MAP3K1: variants seen among roughly 807,000 people sequenced by gnomAD.
The protein encoded by MAP3K1 is MAP/ERK kinase kinase 1.
A neutral mutation model predicts 144.2 loss-of-function variants in MAP3K1; 36 were observed. The ratio of observed to expected loss-of-function variants is 0.25; its 90% CI spans 0.19 to 0.33. The LOEUF (loss-of-function observed/expected upper bound fraction) is 0.33, where lower values mean the gene tolerates loss of function less well. MAP3K1 is among the 10% of genes least tolerant of loss of function. The pLI, the probability that MAP3K1 is intolerant of heterozygous loss-of-function variation, is 1.00. For synonymous variants in MAP3K1, 718 were observed against 688.7 expected (o/e 1.04, Z -0.67); for missense variants, 1,650 against 1,881.9 (o/e 0.88, Z 2.28).
rs1488161627 is a variant in MAP3K1 at position 56,815,733 on chromosome 5, C to T, written c.160C>T (p.Arg54Trp). The T allele has an allele frequency of 5.2e-6, 7 of 1,344,138 alleles. No individual in the cohort carries two copies. The highest frequency in any genetic ancestry group is 3.2e-5 in the East Asian group (1 of 31,420). The allele number at this position is 1,344,138 out of a possible 1,614,324, so 83.3% of individuals were successfully genotyped here. A position where few individuals can be genotyped will look rare whatever the true frequency, so the allele number is the denominator to read the frequency against. ...GGAGGCGGGCAGCGGGGGCCGCGAG[C>T]GGGCGGACTGGCGGCGGCGGCAGCT... Reference protein sequence around the residue: ...LREAGSGGRERADWRRRQLRK... With the variant: ...LREAGSGGREWADWRRRQLRK... The change falls in exon 1 of 20, where the codon CGG (arginine) becomes TGG (tryptophan). Residue 54 changes from arginine to tryptophan, a missense_variant. Coordinates refer to ENST00000399503, the MANE Select transcript of MAP3K1 (RefSeq NM_005921.2).
chr5:56,816,368 C>T lies in MAP3K1; in HGVS notation c.482+313C>T, dbSNP rs1033794923. On this transcript the variant is annotated intron_variant, in intron 1 of 19. Transcript: ENST00000399503. ...GGGCCACGGCTGGCTTTGTGGGACTCCTGGAATCGGGGCTCTCCGAGGAGC... is the reference window on the plus strand; with the variant it reads ...GGGCCACGGCTGGCTTTGTGGGACTTCTGGAATCGGGGCTCTCCGAGGAGC... 3.9e-5 allele frequency among the ~76,000 whole-genome samples: 6 copies of T among 152,160 alleles called. No homozygotes were observed. The East Asian group carries it at 7.8e-4, about 20-fold the overall frequency.
rs148782350 is a variant in MAP3K1 at position 56,864,217 on chromosome 5, C to G, written c.835-517C>G. ...TTGTCTCTCTCAGCCAGATATTTAT[C>G]AACATTTATGGGGATGACTGAGATT... is the stretch of plus-strand genomic sequence containing the variant. On this transcript the variant is annotated intron_variant, in intron 3 of 19. Coordinates refer to ENST00000399503, the MANE Select transcript of MAP3K1 (RefSeq NM_005921.2). 2.1e-3 allele frequency among the ~76,000 whole-genome samples: 313 copies of G among 152,208 alleles called. 1 individual carries two copies. Among genetic ancestry groups the G allele is most frequent in the African/African-American group, 7.0e-3 (290 of 41,506 alleles).
At position 56,883,621 on chromosome 5, in the gene MAP3K1, TTTC is replaced by T; in HGVS notation, c.3767_3769del (p.Ser1256del). The T allele has an allele frequency of 6.2e-7, 1 of 1,614,122 alleles. No homozygotes were observed. Among genetic ancestry groups the T allele is most frequent in the Non-Finnish European group, 8.5e-7 (1 of 1,179,994 alleles). ...GGTCAACAGATAGGCCTTGGAGCAT[TTTC>T]TTCTTGTTATCAGGCTCAAGATGTG... On this transcript the variant is annotated inframe_deletion, in exon 15 of 20. Transcript: ENST00000399503.
chr5:56,872,530 A>T (rs1747885962), intron 7 of MAP3K1, 111 bp from the exon 8 acceptor site: 1 of 708,432 alleles, frequency 1.4e-6, no homozygotes, highest in Non-Finnish European at 2.5e-6. Context: ...ATTTAATTAG[A>T]TTATTTTTGA....
intron 19 of MAP3K1, among the ~76,000 whole-genome samples, chr5:56,892,421 T>C (rs555400531): frequency 1.6e-4 from 24 of 151,792 alleles, no homozygotes; most frequent in Admixed American, 6.6e-4. Flanking sequence ...TTAATGAAAC[T>C]GAAGAATGCT....
chr5:56,852,599 A>G (rs576033719), intron 1 of MAP3K1, among the ~76,000 whole-genome samples: 1 of 152,302 alleles, frequency 6.6e-6, no homozygotes, highest in South Asian at 2.1e-4. Context: ...TCTGACCACA[A>G]TTTTATTTAT....
At chr5:56,883,809 A>G in intron 15 of MAP3K1, 130 bp downstream of exon 15, 1 of 992,524 alleles carries the variant, frequency 1.0e-6, no homozygotes, top group Non-Finnish European at 1.6e-6. Flanking sequence ...CTTAGTTTCA[A>G]AGTAGATGTT....
At chr5:56,870,791 T>C (rs1020642612) in intron 6 of MAP3K1, among the ~76,000 whole-genome samples, 1 of 152,200 alleles carries the variant, frequency 6.6e-6, no homozygotes, top group African/African-American at 2.4e-5. Context: ...TTAATGTACA[T>C]TAAGTACATC....
At chr5:56,824,216 C>G (rs1423375744) in intron 1 of MAP3K1, among the ~76,000 whole-genome samples, 1 of 152,192 alleles carries the variant, frequency 6.6e-6, no homozygotes, top group African/African-American at 2.4e-5. Flanking sequence ...ACCCAGCAGC[C>G]TCTCTTATCT....
In MAP3K1 at chr5:56,883,508, G is replaced by T; in HGVS notation, c.3667-19G>T. The T allele has an allele frequency of 6.2e-7, 1 of 1,612,522 alleles. No homozygotes were observed. Among genetic ancestry groups the T allele is most frequent in the Middle Eastern group, 1.7e-4 (1 of 6,056 alleles). ...TTACTCCTTTAACAGTAAAAAGATT[G>T]CTTTCGTTTAATATGTAGACACCAG... On this transcript the variant is annotated intron_variant, in intron 14 of 19. Transcript: ENST00000399503.
In MAP3K1 at chr5:56,823,184, C is replaced by T. The variant is rs112726894; in HGVS notation, c.482+7129C>T. Reference sequence around the variant, plus strand: ...CCAGGAAATCTTTAACATGCCTGACCGAGTCCCTGCCCGGTTGGGCCCCTG... The same window carrying T: ...CCAGGAAATCTTTAACATGCCTGACTGAGTCCCTGCCCGGTTGGGCCCCTG... On this transcript the variant is annotated intron_variant, in intron 1 of 19. Coordinates refer to ENST00000399503, the MANE Select transcript of MAP3K1 (RefSeq NM_005921.2). Among the ~76,000 whole-genome samples, 409 of 152,298 alleles carry T rather than the reference C, an allele frequency of 2.7e-3. 1 individual carries two copies. Among genetic ancestry groups the T allele is most frequent in the African/African-American group, 9.2e-3 (383 of 41,560 alleles).
chr5:56,856,571 C>T (rs767339134), intron 1 of MAP3K1, 29 bp from the exon 2 acceptor site: 1 of 1,584,624 alleles, frequency 6.3e-7, no homozygotes, highest in Non-Finnish European at 8.7e-7. Context: ...ATACATTTCT[C>T]ATTTTATTTG....
At chr5:56,859,125 C>T (rs1413248716) in intron 2 of MAP3K1, among the ~76,000 whole-genome samples, 1 of 146,916 alleles carries the variant, frequency 6.8e-6, no homozygotes, top group Non-Finnish European at 1.5e-5. Context: ...AGAAATTGAT[C>T]TTTAAACTTC....
rs2111725839 is a variant in MAP3K1 at position 56,815,717 on chromosome 5, C to T, written c.144C>T (p.Gly48=). ...AAAAGLLREA[G]SGGRERADWR... is the part of the protein sequence containing the mutation. Reference sequence around the variant, plus strand: ...CCGCGGGACTGCTGCGGGAGGCGGGCAGCGGGGGCCGCGAGCGGGCGGACT... The same window carrying T: ...CCGCGGGACTGCTGCGGGAGGCGGGTAGCGGGGGCCGCGAGCGGGCGGACT... Residue 48 remains glycine (G), a synonymous_variant, in exon 1 of 20, where the codon GGC becomes GGT. Coordinates refer to ENST00000399503, the MANE Select transcript of MAP3K1 (RefSeq NM_005921.2). The T allele has an allele frequency of 7.5e-7, 1 of 1,329,352 alleles. No homozygotes were observed. The highest frequency in any genetic ancestry group is 9.6e-7 in the Non-Finnish European group (1 of 1,039,846). The allele number at this position is 1,329,352 out of a possible 1,614,324, so 82.3% of individuals were successfully genotyped here. A position where few individuals can be genotyped will look rare whatever the true frequency, so the allele number is the denominator to read the frequency against.
chr5:56,867,845 G>C (rs1031930810), intron 6 of MAP3K1, among the ~76,000 whole-genome samples: 7 of 152,148 alleles, frequency 4.6e-5, no homozygotes, highest in African/African-American at 1.7e-4. Context: ...AGTAGAAACA[G>C]TTTAAATATC....
chr5:56,868,494 C>T (rs1312875589), intron 6 of MAP3K1, among the ~76,000 whole-genome samples: 4 of 152,084 alleles, frequency 2.6e-5, no homozygotes, highest in Non-Finnish European at 2.9e-5. Context: ...ATGCCATTCT[C>T]CTGCCTCAGC....
At chr5:56,883,875 G>T (rs572552178) in intron 15 of MAP3K1, among the ~76,000 whole-genome samples, 196 bp downstream of exon 15, 1 of 152,160 alleles carries the variant, frequency 6.6e-6, no homozygotes, top group Non-Finnish European at 1.5e-5. Context: ...GAGGCCACGC[G>T]TGGTGGCTCA....
At chr5:56,864,588 T>C in intron 3 of MAP3K1, 146 bp from the exon 4 acceptor site, 3 of 738,170 alleles carry the variant, frequency 4.1e-6, no homozygotes, top group South Asian at 1.5e-5. Flanking sequence ...TTAACCCGGA[T>C]GGTCTGGATC....
Position 56,864,841 on chromosome 5 carries a change from C to T in MAP3K1, c.942C>T (p.Ala314=). The change falls in exon 4 of 20, where the codon GCC becomes GCT. Residue 314 remains alanine, a synonymous_variant. Transcript: ENST00000399503. ...GCCGTGTTAACAAAGTGATGCGGGC[C>T]AGACTGTACTTACTGCAGCAGATAG... ...TNRRVNKVMR[A]RLYLLQQIGP... 6.2e-7 allele frequency: 1 copy of T among 1,614,060 alleles called. No homozygotes were observed. The highest frequency in any genetic ancestry group is 1.6e-4 in the Middle Eastern group (1 of 6,062).
Sources: allele counts gnomAD v4.1 joint callset (sites outside exome capture counted in the v4.1 genomes callset), GRCh38; gene constraint gnomAD v4.1.1; transcripts MANE v1.5; gene names NCBI Gene and HGNC (gene_info 2026-07-23, HGNC 2026-07-21).